Variants in CHST12 observed in about 807,000 individuals in gnomAD.
CHST12 encodes the protein carbohydrate sulfotransferase 12.
A neutral mutation model predicts 27.9 loss-of-function variants in CHST12; 23 were observed. The ratio of observed to expected loss-of-function variants is 0.82; its 90% CI spans 0.59 to 1.17. The LOEUF (loss-of-function observed/expected upper bound fraction) is 1.17. Ranked by LOEUF, CHST12 falls within the 50% of genes most tolerant of loss-of-function variation. The probability of loss-of-function intolerance (pLI) is 0.00; values close to 1 mark genes in which losing one functional copy is unlikely to be tolerated. For missense variants in CHST12, 682 were observed against 603.0 expected (o/e 1.13, Z -1.37); for synonymous variants, 322 against 273.0 (o/e 1.18, Z -1.77).
chr7:2,416,268 ACTT>A (rs772787703), intron 1 of CHST12, among the ~76,000 whole-genome samples: 2 of 152,276 alleles, frequency 1.3e-5, no homozygotes, highest in East Asian at 3.9e-4. Flanking sequence ...TTCTGATTCT[ACTT>A]CTCTTGCTGT....
chr7:2,410,691 A>G (rs1781642525), intron 1 of CHST12, among the ~76,000 whole-genome samples: 2 of 152,050 alleles, frequency 1.3e-5, no homozygotes, highest in South Asian at 4.1e-4. Context: ...GGGATTCCCC[A>G]GCTGAGGGAT....
Position 2,433,360 on chromosome 7 carries a change from T to TTCC in CHST12, c.724_726dup (p.Leu242dup). Reference sequence around the variant, plus strand: ...GGTCAAGCTCAAGAAGTACACCAAGTTCCTCTTCGTGCGCGACCCCTTCGT... The same window carrying TTCC: ...GGTCAAGCTCAAGAAGTACACCAAGTTCCTCCTCTTCGTGCGCGACCCCTTCGT... On this transcript the variant is annotated inframe_insertion, in exon 2 of 2. Transcript: ENST00000618655. This position sits in a 1 kb window ranked among gnomAD's most constrained non-coding sequence, Gnocchi z 6.1. 6.2e-7 allele frequency: 1 copy of TTCC among 1,611,706 alleles called. No homozygotes were observed. The highest frequency in any genetic ancestry group is 8.5e-7 in the Non-Finnish European group (1 of 1,179,914).
chr7:2,430,998 G>T (rs993542935), intron 1 of CHST12, among the ~76,000 whole-genome samples: 1 of 152,220 alleles, frequency 6.6e-6, no homozygotes, highest in Non-Finnish European at 1.5e-5. Context: ...TGCATATGTC[G>T]GTTATGTCCT....
chr7:2,421,835 G>A (rs1289493394), intron 1 of CHST12, among the ~76,000 whole-genome samples: 1 of 152,006 alleles, frequency 6.6e-6, no homozygotes, highest in Non-Finnish European at 1.5e-5. Context: ...CAAAGTGCTG[G>A]GATTACAGGC....
rs1315606207 is a variant in CHST12 at position 2,438,438 on chromosome 7, C to T, written c.*4554C>T. ...GACGCTCTGTTCTCATTGGCAGCCC[C>T]ACCCTGAAGAATAACAGACTCCCAA... On this transcript the variant is annotated 3_prime_UTR_variant, in exon 2 of 2. Transcript: ENST00000618655. 6.6e-6 allele frequency: 1 copy of T among 152,212 alleles called. No individual in the cohort carries two copies. The highest frequency in any genetic ancestry group is 1.5e-5 in the Non-Finnish European group (1 of 68,064). 9.4% of individuals were successfully genotyped at this position (152,212 alleles called of 1,614,324 possible).
chr7:2,432,608 GC>G lies in CHST12; in HGVS notation c.-29del, dbSNP rs1782304064. 1.3e-6 allele frequency: 2 copies of G among 1,582,906 alleles called. No homozygotes were observed. Among genetic ancestry groups the G allele is most frequent in the Non-Finnish European group, 1.7e-6 (2 of 1,161,288 alleles). ...GCTCTGCAGGAAGCTGAAGTGAGAG[GC>G]CCGGAGAGGGCCCAGCCCGCCCGGG... On this transcript the variant is annotated 5_prime_UTR_variant, in exon 2 of 2. Coordinates refer to ENST00000618655, the MANE Select transcript of CHST12 (RefSeq NM_018641.5).
At chr7:2,417,355 G>C (rs925020243) in intron 1 of CHST12, among the ~76,000 whole-genome samples, 1 of 150,414 alleles carries the variant, frequency 6.6e-6, no homozygotes, top group African/African-American at 2.5e-5. Flanking sequence ...CTCCTGAGTA[G>C]CTGGGTTACA....
intron 1 of CHST12, among the ~76,000 whole-genome samples, chr7:2,405,632 G>C (rs895276258): frequency 6.6e-6 from 1 of 152,152 alleles, no homozygotes; most frequent in Admixed American, 6.6e-5. Flanking sequence ...GTGGGGCGTG[G>C]GTCTGGGGCA....
At position 2,434,579 on chromosome 7, in the gene CHST12, TAAAAAAAAAAAAA is replaced by T. The variant is rs869123293; in HGVS notation, c.*720_*732del. ...CAACATGGTGAAACCCTGTCTCTAC[TAAAAAAAAAAAAA>T]AAAAAAAAAAAAAAAAAAAAAAAAT... On this transcript the variant is annotated 3_prime_UTR_variant, in exon 2 of 2. Coordinates refer to ENST00000618655, the MANE Select transcript of CHST12 (RefSeq NM_018641.5). 0.12 allele frequency: 2,477 copies of T among 20,884 alleles called. 66 individuals carry two copies. The highest frequency in any genetic ancestry group is 0.25 in the Middle Eastern group (13 of 52). The allele number at this position is 20,884 out of a possible 1,614,324, so 1.3% of individuals were successfully genotyped here.
At position 2,436,369 on chromosome 7, in the gene CHST12, T is replaced by C. The variant is rs978303880; in HGVS notation, c.*2485T>C. 1.3e-5 allele frequency: 2 copies of C among 152,252 alleles called. No homozygotes were observed. The highest frequency in any genetic ancestry group is 2.4e-5 in the African/African-American group (1 of 41,458). 9.4% of individuals were successfully genotyped at this position (152,252 alleles called of 1,614,324 possible). A position where few individuals can be genotyped will look rare whatever the true frequency, so the allele number is the denominator to read the frequency against. On this transcript the variant is annotated 3_prime_UTR_variant, in exon 2 of 2. Transcript: ENST00000618655. ...CCCTCAGAAATGGAGTCACACAGTATTGGTCCTTTTGGGACTGAAGTACTT... is the reference window on the plus strand; with the variant it reads ...CCCTCAGAAATGGAGTCACACAGTACTGGTCCTTTTGGGACTGAAGTACTT...
rs754936215 is a variant in CHST12, at chr7:2,432,724, G to A, written c.85G>A (p.Ala29Thr). 7 of 1,613,864 alleles carry A rather than the reference G, an allele frequency of 4.3e-6. No homozygotes were observed. The highest frequency in any genetic ancestry group is 4.5e-5 in the East Asian group (2 of 44,880). The change falls in exon 2 of 2, where the codon GCA becomes ACA. Residue 29 changes from alanine to threonine, a missense_variant. Transcript: ENST00000618655. ...ILLIIVYWDS[A>T]GAAHFYLHTS... ...GCTGATCATCGTGTACTGGGACAGC[G>A]CAGGCGCCGCGCACTTCTACTTGCA...
chr7:2,417,478 C>T (rs1781841196), intron 1 of CHST12, among the ~76,000 whole-genome samples: 1 of 151,348 alleles, frequency 6.6e-6, no homozygotes, highest in African/African-American at 2.4e-5. Flanking sequence ...CAACCTCCGC[C>T]TCCCAGGTTC....
chr7:2,426,425 C>G (rs569802116), intron 1 of CHST12, among the ~76,000 whole-genome samples: 64 of 152,268 alleles, frequency 4.2e-4, no homozygotes, highest in African/African-American at 1.5e-3. Flanking sequence ...CATACACACC[C>G]CAAATAAGCA....
rs869252983 is a variant in CHST12, at chr7:2,419,968, C to CTTTTTT, written c.-77-12577_-77-12572dup. 4.5e-4 allele frequency among the ~76,000 whole-genome samples: 37 copies of CTTTTTT among 81,400 alleles called. 1 individual carries two copies. Among genetic ancestry groups the CTTTTTT allele is most frequent in the Non-Finnish European group, 5.8e-4 (27 of 46,188 alleles). The allele number at this position is 81,400 out of a possible 152,430, so 53.4% of individuals were successfully genotyped here. On this transcript the variant is annotated intron_variant, in intron 1 of 1. Transcript: ENST00000618655. ...ACAAGTAGAATCTTGAAATATTTGT[C>CTTTTTT]TTTTTTTTTTTTTTTTTTTTTTTGA...
chr7:2,427,459 C>T (rs1373270773), intron 1 of CHST12, among the ~76,000 whole-genome samples: 1 of 151,548 alleles, frequency 6.6e-6, no homozygotes, highest in East Asian at 1.9e-4. Context: ...TGTGATTGTG[C>T]CACTGCACTC....
rs1782626048 is a variant in CHST12 at position 2,442,286 on chromosome 7, GA to G, written c.*8403del. 1 of 152,256 alleles carries G rather than the reference GA, an allele frequency of 6.6e-6. No individual in the cohort carries two copies. Among genetic ancestry groups the G allele is most frequent in the Non-Finnish European group, 1.5e-5 (1 of 68,050 alleles). The allele number at this position is 152,256 out of a possible 1,614,324, so 9.4% of individuals were successfully genotyped here. Reference sequence around the variant, plus strand: ...CATTTTATCCATTCACCCAGGGATGGACACCTGGGTTGCTTCCATCTCTCGG... The same window carrying G: ...CATTTTATCCATTCACCCAGGGATGGCACCTGGGTTGCTTCCATCTCTCGG... On this transcript the variant is annotated 3_prime_UTR_variant, in exon 2 of 2. Coordinates refer to ENST00000618655, the MANE Select transcript of CHST12 (RefSeq NM_018641.5).
rs1229848105 is a variant in CHST12 at position 2,446,326 on chromosome 7, G to A, written c.*12442G>A. On this transcript the variant is annotated 3_prime_UTR_variant, in exon 2 of 2. Transcript: ENST00000618655. ...GGGACGGGAGCCTCGTGCGACTCTC[G>A]GAGTGCTGGCCAGATTGGCAGAGGG... 2 of 152,738 alleles carry A rather than the reference G, an allele frequency of 1.3e-5. No individual in the cohort carries two copies. Among genetic ancestry groups the A allele is most frequent in the African/African-American group, 4.8e-5 (2 of 41,454 alleles). 9.5% of individuals were successfully genotyped at this position (152,738 alleles called of 1,614,324 possible).
intron 1 of CHST12, among the ~76,000 whole-genome samples, chr7:2,404,888 G>A (rs1382471478): frequency 6.6e-6 from 1 of 152,226 alleles, no homozygotes; most frequent in Non-Finnish European, 1.5e-5. Context: ...ATGCTAAGCT[G>A]GGGTAGATGC....
chr7:2,407,700 G>T (rs1781559898), intron 1 of CHST12, among the ~76,000 whole-genome samples: 1 of 151,784 alleles, frequency 6.6e-6, no homozygotes, highest in African/African-American at 2.4e-5. Flanking sequence ...AATTTAGGAG[G>T]TAGGTGAATC....
Sources: allele counts gnomAD v4.1 joint callset (sites outside exome capture counted in the v4.1 genomes callset), GRCh38; gene constraint gnomAD v4.1.1; non-coding constraint Gnocchi (gnomAD v3.1); transcripts MANE v1.5; gene names NCBI Gene and HGNC (gene_info 2026-07-23, HGNC 2026-07-21).